GPI: variants seen among roughly 807,000 people sequenced by gnomAD.
GPI encodes the protein D-hexose-6-phosphate anomerase.
GPI carries 56 observed loss-of-function variants against 75.8 expected under a neutral mutation model. The observed-to-expected ratio is 0.74, with a 90% CI of 0.60 to 0.92. GPI has a LOEUF of 0.92. Ranked by LOEUF, GPI falls within the 40% of genes least tolerant of loss-of-function variation. GPI has a pLI of 0.00. For missense variants in GPI, 638 were observed against 741.0 expected (o/e 0.86, Z 1.61); for synonymous variants, 288 against 285.4 (o/e 1.01, Z -0.09).
At chr19:34,370,383 G>C (rs942510536) in intron 4 of GPI, among the ~76,000 whole-genome samples, 1 of 152,126 alleles carries the variant, frequency 6.6e-6, no homozygotes. Context: ...CTCCATGTGT[G>C]GCTGGTCAGA....
intron 14 of GPI, 43 bp downstream of exon 14, chr19:34,396,700 A>T: frequency 6.6e-7 from 1 of 1,517,004 alleles, no homozygotes; most frequent in Non-Finnish European, 9.1e-7. Flanking sequence ...TCTGGCTCAC[A>T]TTGCACCCAG....
At chr19:34,390,722 G>A (rs904858553) in intron 9 of GPI, among the ~76,000 whole-genome samples, 1 of 150,894 alleles carries the variant, frequency 6.6e-6, no homozygotes, top group African/African-American at 2.4e-5. Context: ...ATGAGGATCT[G>A]GGTCTTCCCA....
intron 9 of GPI, among the ~76,000 whole-genome samples, chr19:34,386,718 T>G (rs2074740458): frequency 6.6e-6 from 1 of 152,180 alleles, no homozygotes; most frequent in Non-Finnish European, 1.5e-5. Flanking sequence ...CGTGGGTAGG[T>G]AGATGTATCT....
chr19:34,360,240 C>T (rs945225228), upstream of GPI, among the ~76,000 whole-genome samples: 6 of 152,140 alleles, frequency 3.9e-5, no homozygotes, highest in African/African-American at 1.2e-4. Context: ...CTGCGATCGG[C>T]AGGACTTGGC....
upstream of GPI, chr19:34,365,168 T>C (rs1456646179): frequency 5.6e-5 from 70 of 1,252,432 alleles, no homozygotes; most frequent in Non-Finnish European, 6.1e-5. Flanking sequence ...GCCTGCGCCA[T>C]AAAGGCCGCC....
chr19:34,385,360 CAAA>C (rs58133757), intron 9 of GPI, among the ~76,000 whole-genome samples: 6 of 95,130 alleles, frequency 6.3e-5, no homozygotes, highest in Admixed American at 1.0e-4. Flanking sequence ...AAACAAAAAA[CAAA>C]AAAAAAAAAA....
chr19:34,373,411 A>G (rs1247971621), intron 4 of GPI, among the ~76,000 whole-genome samples: 2 of 151,186 alleles, frequency 1.3e-5, no homozygotes, highest in East Asian at 3.9e-4. Context: ...AAAATTTATA[A>G]CTGGGCATGG....
At chr19:34,365,573 G>T (rs1434202130) in intron 1 of GPI, 185 bp downstream of exon 1, 3 of 1,028,256 alleles carry the variant, frequency 2.9e-6, no homozygotes, top group African/African-American at 3.2e-5. Flanking sequence ...CGTTCCTGGG[G>T]GCTTGCAGCC....
At chr19:34,361,294 A>G (rs920544418), upstream of GPI, among the ~76,000 whole-genome samples, 5 of 151,910 alleles carry the variant, frequency 3.3e-5, no homozygotes, top group African/African-American at 1.2e-4. Flanking sequence ...GGGTTTCACC[A>G]TGTTGCTCAG....
intron 4 of GPI, among the ~76,000 whole-genome samples, chr19:34,375,783 A>G (rs948580697): frequency 2.6e-5 from 4 of 152,124 alleles, no homozygotes; most frequent in Non-Finnish European, 5.9e-5. Context: ...CGTTCTCTGA[A>G]CTCACTTCTG....
chr19:34,384,352 C>T (rs1421299956), intron 9 of GPI, among the ~76,000 whole-genome samples: 2 of 152,122 alleles, frequency 1.3e-5, no homozygotes, highest in East Asian at 1.9e-4. Flanking sequence ...TAAGGTGAGA[C>T]ACAGGTATGT....
intron 4 of GPI, among the ~76,000 whole-genome samples, chr19:34,372,948 G>A (rs2074477639): frequency 6.6e-6 from 1 of 151,792 alleles, no homozygotes; most frequent in South Asian, 2.1e-4. Context: ...TAATTTTTGT[G>A]TTTTTAGTAG....
chr19:34,376,346 A>G (rs1451048679), intron 4 of GPI, among the ~76,000 whole-genome samples: 1 of 152,138 alleles, frequency 6.6e-6, no homozygotes, highest in African/African-American at 2.4e-5. Context: ...ACCTGAGGTC[A>G]GGAGTTTGAG....
intron 4 of GPI, among the ~76,000 whole-genome samples, chr19:34,373,841 C>CA (rs2145345249): frequency 6.6e-6 from 1 of 152,328 alleles, no homozygotes. Flanking sequence ...TTGGGAGGCA[C>CA]AGACAGTTCG....
chr19:34,360,504 TGA>T (rs2074295754), upstream of GPI, among the ~76,000 whole-genome samples: 1 of 151,922 alleles, frequency 6.6e-6, no homozygotes, highest in Non-Finnish European at 1.5e-5. Flanking sequence ...GAGACCGAGG[TGA>T]GAGAATCGCT....
At position 34,394,054 on chromosome 19, in the gene GPI, G is replaced by A. The variant is rs780075559; in HGVS notation, c.1050G>A (p.Ala350=). 2.7e-5 allele frequency: 44 copies of A among 1,610,912 alleles called. No individual in the cohort carries two copies. In the East Asian group the frequency reaches 4.2e-4, roughly 15 times the overall value. ...ACCAGTACCTGCACCGCTTTGCTGC[G>A]TACTTCCAGCAGGTACCAGCTGCCA... is the stretch of plus-strand genomic sequence containing the variant. ...PYDQYLHRFA[A]YFQQGDMESN... Residue 350 remains alanine (A), a synonymous_variant, in exon 12 of 18, where the codon GCG becomes GCA. Coordinates refer to ENST00000356487, the MANE Select transcript of GPI (RefSeq NM_000175.5).
chr19:34,388,703 G>A (rs2074776520), intron 9 of GPI, among the ~76,000 whole-genome samples: 1 of 152,114 alleles, frequency 6.6e-6, no homozygotes. Flanking sequence ...GCATTGCTGG[G>A]CTGTCACAAA....
intron 9 of GPI, among the ~76,000 whole-genome samples, chr19:34,384,307 C>A (rs973923193): frequency 1.3e-5 from 2 of 152,074 alleles, no homozygotes; most frequent in Non-Finnish European, 2.9e-5. Context: ...GGTCGAGGTA[C>A]GTAGAGCAGA....
intron 4 of GPI, among the ~76,000 whole-genome samples, chr19:34,375,070 A>T (rs1216409090): frequency 6.6e-6 from 1 of 151,600 alleles, no homozygotes; most frequent in Non-Finnish European, 1.5e-5. Flanking sequence ...TGTACTTCTG[A>T]TACCAAAATC....
Sources: allele counts gnomAD v4.1 joint callset (sites outside exome capture counted in the v4.1 genomes callset), GRCh38; gene constraint gnomAD v4.1.1; transcripts MANE v1.5; gene names NCBI Gene and HGNC (gene_info 2026-07-23, HGNC 2026-07-21).